The following OR8H1 variants were observed in gnomAD, a reference collection of about 807,000 sequenced individuals.
The protein encoded by OR8H1 is olfactory receptor 8H1.
For synonymous variants in OR8H1, 135 were observed against 134.5 expected (o/e 1.00, Z -0.03); for missense variants, 388 against 374.1 (o/e 1.04, Z -0.31).
rs748532410 is a variant in OR8H1, at chr11:56,290,121, T to C, written c.*6A>G. The stretch of plus-strand genomic sequence containing the variant: ...GTTTAAATGTTCAGCATTCCTGCTA[T>C]TTTAATTACCTGGAGTCCTGTCTTC... On this transcript the variant is annotated 3_prime_UTR_variant, in exon 2 of 2. Transcript: ENST00000641600. 1 of 1,594,006 alleles carries C rather than the reference T, an allele frequency of 6.3e-7. No homozygotes were observed. Among genetic ancestry groups the C allele is most frequent in the East Asian group, 2.2e-5 (1 of 44,778 alleles).
In OR8H1 at chr11:56,290,500, C is replaced by A. The variant is rs1854132995; in HGVS notation, c.563G>T (p.Cys188Phe). Residue 188 changes from cysteine (C) to phenylalanine (F), a missense_variant, in exon 2 of 2, where the codon TGC becomes TTC. Transcript: ENST00000641600. ...CDTSPILALSCMDTYDIEIMI... is the reference protein window; with the variant it reads ...CDTSPILALSFMDTYDIEIMI... Reference sequence around the variant, plus strand: ...GATTTCAATGTCGTATGTGTCCATGCAGGACAGAGCTAAAATTGGAGACGT... The same window carrying A: ...GATTTCAATGTCGTATGTGTCCATGAAGGACAGAGCTAAAATTGGAGACGT... 6.2e-7 allele frequency: 1 copy of A among 1,614,074 alleles called. No homozygotes were observed. Among genetic ancestry groups the A allele is most frequent in the Admixed American group, 1.7e-5 (1 of 60,020 alleles).
At position 56,289,983 on chromosome 11, in the gene OR8H1, A is replaced by G. The variant is rs749660525; in HGVS notation, c.*144T>C. 28 of 767,090 alleles carry G rather than the reference A, an allele frequency of 3.7e-5. No homozygotes were observed. Among genetic ancestry groups the G allele is most frequent in the Non-Finnish European group, 6.2e-5 (27 of 435,130 alleles). The allele number at this position is 767,090 out of a possible 1,614,324, so 47.5% of individuals were successfully genotyped here. A position where few individuals can be genotyped will look rare whatever the true frequency, so the allele number is the denominator to read the frequency against. On this transcript the variant is annotated 3_prime_UTR_variant, in exon 2 of 2. Coordinates refer to ENST00000641600, the MANE Select transcript of OR8H1 (RefSeq NM_001005199.2). The stretch of plus-strand genomic sequence containing the variant: ...GAAAACATACACCTTGAAATGTTCA[A>G]GATCACGTTTAGTCAAGCAAAGGTT...
chr11:56,291,094 C>A lies in OR8H1; in HGVS notation c.-22-10G>T. 1.4e-6 allele frequency: 2 copies of A among 1,448,064 alleles called. No homozygotes were observed. Among genetic ancestry groups the A allele is most frequent in the South Asian group, 1.3e-5 (1 of 75,014 alleles). The allele number at this position is 1,448,064 out of a possible 1,614,324, so 89.7% of individuals were successfully genotyped here. A position where few individuals can be genotyped will look rare whatever the true frequency, so the allele number is the denominator to read the frequency against. ...CAATTGCTTTAAACTGCTGAGAAATCAAAGTTGATACTTAACATGAATGAC... is the reference window on the plus strand; with the variant it reads ...CAATTGCTTTAAACTGCTGAGAAATAAAAGTTGATACTTAACATGAATGAC... On this transcript the variant is annotated splice_polypyrimidine_tract_variant and intron_variant, in intron 1 of 1. Transcript: ENST00000641600.
Position 56,290,589 on chromosome 11 carries a change from A to T in OR8H1, c.474T>A (p.Asn158Lys), listed in dbSNP as rs181118582. ...YVISFINSFVNVVWMSRLHFC... is the reference protein window; with the variant it reads ...YVISFINSFVKVVWMSRLHFC... The stretch of plus-strand genomic sequence containing the variant: ...AATGCAGTCTGCTCATCCAAACCAC[A>T]TTGACAAAGGAGTTGATAAAGCTAA... The change falls in exon 2 of 2, where the codon AAT (asparagine) becomes AAA (lysine). Residue 158 changes from asparagine (N) to lysine (K), a missense_variant. By Grantham distance (94) the Asn-to-Lys change is moderately conservative. Transcript: ENST00000641600. 2.0e-5 allele frequency: 33 copies of T among 1,614,182 alleles called. No homozygotes were observed. The highest frequency in any genetic ancestry group is 3.3e-4 in the Middle Eastern group (2 of 6,062).
At position 56,292,173 on chromosome 11, in the gene OR8H1, G is replaced by T. The variant is rs1160403442; in HGVS notation, c.-245C>A. ...AAAACCAACCTAGAAATTTCGTTTA[G>T]GTCCTGGTCAAATGGAAAGATTACC... is the stretch of plus-strand genomic sequence containing the variant. On this transcript the variant is annotated 5_prime_UTR_variant, in exon 1 of 2. Transcript: ENST00000641600. 1 of 152,194 alleles carries T rather than the reference G, an allele frequency of 6.6e-6. No individual in the cohort carries two copies. Among genetic ancestry groups the T allele is most frequent in the East Asian group, 1.9e-4 (1 of 5,180 alleles). 9.4% of individuals were successfully genotyped at this position (152,194 alleles called of 1,614,324 possible).
rs1053805032 is a variant in OR8H1 at position 56,288,697 on chromosome 11, C to T, written c.*1430G>A. 3.9e-5 allele frequency: 6 copies of T among 151,906 alleles called. No individual in the cohort carries two copies. Among genetic ancestry groups the T allele is most frequent in the African/African-American group, 1.4e-4 (6 of 41,386 alleles). The allele number at this position is 151,906 out of a possible 1,614,324, so 9.4% of individuals were successfully genotyped here. Reference sequence around the variant, plus strand: ...CGTTGTCAATGACAAAGAGATTATCCAATGTTAAACTTGTAAATGGATACA... The same window carrying T: ...CGTTGTCAATGACAAAGAGATTATCTAATGTTAAACTTGTAAATGGATACA... On this transcript the variant is annotated 3_prime_UTR_variant, in exon 2 of 2. Transcript: ENST00000641600.
chr11:56,289,276 G>A lies in OR8H1; in HGVS notation c.*851C>T, dbSNP rs1854107702. On this transcript the variant is annotated 3_prime_UTR_variant, in exon 2 of 2. Transcript: ENST00000641600. ...TTTATCTTGTGCACTTAAGGAAAGA[G>A]AGTTTTAAATTTTAGGTAACATATT... 6.6e-6 allele frequency: 1 copy of A among 152,122 alleles called. No individual in the cohort carries two copies. 9.4% of individuals were successfully genotyped at this position (152,122 alleles called of 1,614,324 possible).
In OR8H1 at chr11:56,289,116, T is replaced by A. The variant is rs1410902731; in HGVS notation, c.*1011A>T. On this transcript the variant is annotated 3_prime_UTR_variant, in exon 2 of 2. Coordinates refer to ENST00000641600, the MANE Select transcript of OR8H1 (RefSeq NM_001005199.2). The stretch of plus-strand genomic sequence containing the variant: ...GTAAATTAAATTAACCAAAAGTAAT[T>A]TGTAAAACACAAGTGAATATCCTTC... The A allele has an allele frequency of 6.6e-6, 1 of 152,110 alleles. No individual in the cohort carries two copies. Among genetic ancestry groups the A allele is most frequent in the Non-Finnish European group, 1.5e-5 (1 of 67,990 alleles). 9.4% of individuals were successfully genotyped at this position (152,110 alleles called of 1,614,324 possible).
At position 56,290,523 on chromosome 11, in the gene OR8H1, C is replaced by A. The variant is rs1274310353; in HGVS notation, c.540G>T (p.Thr180=). 1.2e-6 allele frequency: 2 copies of A among 1,613,960 alleles called. No homozygotes were observed. Among genetic ancestry groups the A allele is most frequent in the Non-Finnish European group, 1.7e-6 (2 of 1,180,006 alleles). The change falls in exon 2 of 2, where the codon ACG becomes ACT. Residue 180 remains threonine (T), a synonymous_variant. Coordinates refer to ENST00000641600, the MANE Select transcript of OR8H1 (RefSeq NM_001005199.2). ...TGCAGGACAGAGCTAAAATTGGAGA[C>A]GTGTCGCAGAAAAAGTGACGAACTA... ...SNVVRHFFCD[T]SPILALSCMD...
rs1282245154 is a variant in OR8H1, at chr11:56,289,763, A to C, written c.*364T>G. ...CAGCCCCGCAAGTAGCTGGGATTACAGGCATGCACCACCACACCCAGCTAA... is the reference window on the plus strand; with the variant it reads ...CAGCCCCGCAAGTAGCTGGGATTACCGGCATGCACCACCACACCCAGCTAA... On this transcript the variant is annotated 3_prime_UTR_variant, in exon 2 of 2. Coordinates refer to ENST00000641600, the MANE Select transcript of OR8H1 (RefSeq NM_001005199.2). 7 of 228,526 alleles carry C rather than the reference A, an allele frequency of 3.1e-5. No homozygotes were observed. The highest frequency in any genetic ancestry group is 6.1e-5 in the Non-Finnish European group (7 of 114,860). 14.2% of individuals were successfully genotyped at this position (228,526 alleles called of 1,614,324 possible).
In OR8H1 at chr11:56,290,038, T is replaced by A. The variant is rs1854118827; in HGVS notation, c.*89A>T. On this transcript the variant is annotated 3_prime_UTR_variant, in exon 2 of 2. Transcript: ENST00000641600. Reference sequence around the variant, plus strand: ...CAACAGAAATGCAAACATGAAGGATTCAATTGTTTTTATAGGGAGACCAAG... The same window carrying A: ...CAACAGAAATGCAAACATGAAGGATACAATTGTTTTTATAGGGAGACCAAG... 2.9e-6 allele frequency: 3 copies of A among 1,034,820 alleles called. No homozygotes were observed. In the East Asian group the frequency reaches 7.1e-5, roughly 24 times the overall value. The allele number at this position is 1,034,820 out of a possible 1,614,324, so 64.1% of individuals were successfully genotyped here.
At chr11:56,291,454 G>A (rs1298019723) in intron 1 of OR8H1, among the ~76,000 whole-genome samples, 2 of 151,962 alleles carry the variant, frequency 1.3e-5, no homozygotes, top group African/African-American at 2.4e-5. Flanking sequence ...ACAATTAAAT[G>A]TTGACGCTGA....
intron 1 of OR8H1, among the ~76,000 whole-genome samples, chr11:56,291,744 A>G (rs1043763156): frequency 2.0e-5 from 3 of 152,156 alleles, no homozygotes; most frequent in African/African-American, 7.2e-5. Context: ...TAACCAATCA[A>G]AATCAAATTT....
In OR8H1 at chr11:56,289,684, C is replaced by T. The variant is rs560075618; in HGVS notation, c.*443G>A. 1.7e-5 allele frequency: 3 copies of T among 173,108 alleles called. No homozygotes were observed. Among genetic ancestry groups the T allele is most frequent in the South Asian group, 2.6e-4 (2 of 7,586 alleles). The allele number at this position is 173,108 out of a possible 1,614,324, so 10.7% of individuals were successfully genotyped here. A position where few individuals can be genotyped will look rare whatever the true frequency, so the allele number is the denominator to read the frequency against. On this transcript the variant is annotated 3_prime_UTR_variant, in exon 2 of 2. Transcript: ENST00000641600. ...TTGCCCAGGCTGGAGTCCAATGGCA[C>T]GATCTCGGCTCACTGCAACCTCTGC... is the stretch of plus-strand genomic sequence containing the variant.
rs1458445592 is a variant in OR8H1, at chr11:56,288,992, A to G, written c.*1135T>C. The G allele has an allele frequency of 6.6e-6, 1 of 152,104 alleles. No individual in the cohort carries two copies. Among genetic ancestry groups the G allele is most frequent in the African/African-American group, 2.4e-5 (1 of 41,460 alleles). The allele number at this position is 152,104 out of a possible 1,614,324, so 9.4% of individuals were successfully genotyped here. ...TTTCTCTAACAATATATGCTATTTT[A>G]TTATAACTTAATTTTATCAAAATAT... On this transcript the variant is annotated 3_prime_UTR_variant, in exon 2 of 2. Coordinates refer to ENST00000641600, the MANE Select transcript of OR8H1 (RefSeq NM_001005199.2).
chr11:56,291,181 TG>T (rs1854148525), intron 1 of OR8H1, 97 bp from the exon 2 acceptor site: 3 of 714,196 alleles, frequency 4.2e-6, no homozygotes, highest in Non-Finnish European at 6.8e-6. Context: ...TTCTATAAAT[TG>T]CTAATACATT....
Position 56,288,589 on chromosome 11 carries a change from T to A in OR8H1, c.*1538A>T, listed in dbSNP as rs868746801. Reference sequence around the variant, plus strand: ...GATATCACTGCATGTAGATTTTTAATGTGGTGAGTTAATATTTCAAGTCCA... The same window carrying A: ...GATATCACTGCATGTAGATTTTTAAAGTGGTGAGTTAATATTTCAAGTCCA... On this transcript the variant is annotated 3_prime_UTR_variant, in exon 2 of 2. Transcript: ENST00000641600. 1.3e-5 allele frequency: 2 copies of A among 152,116 alleles called. No individual in the cohort carries two copies. The highest frequency in any genetic ancestry group is 2.1e-4 in the South Asian group (1 of 4,836). The allele number at this position is 152,116 out of a possible 1,614,324, so 9.4% of individuals were successfully genotyped here.
chr11:56,291,098 G>C lies in OR8H1; in HGVS notation c.-22-14C>G, dbSNP rs764927584. 4 of 1,420,486 alleles carry C rather than the reference G, an allele frequency of 2.8e-6. No homozygotes were observed. Among genetic ancestry groups the C allele is most frequent in the Non-Finnish European group, 2.9e-6 (3 of 1,044,732 alleles). 88.0% of individuals were successfully genotyped at this position (1,420,486 alleles called of 1,614,324 possible). On this transcript the variant is annotated splice_polypyrimidine_tract_variant and intron_variant, in intron 1 of 1. Coordinates refer to ENST00000641600, the MANE Select transcript of OR8H1 (RefSeq NM_001005199.2). The stretch of plus-strand genomic sequence containing the variant: ...TGCTTTAAACTGCTGAGAAATCAAA[G>C]TTGATACTTAACATGAATGACTTCA...
rs931898843 is a variant in OR8H1 at position 56,291,045 on chromosome 11, G to A, written c.18C>T (p.Asn6=). The A allele has an allele frequency of 1.9e-6, 3 of 1,595,248 alleles. No homozygotes were observed. Among genetic ancestry groups the A allele is most frequent in the African/African-American group, 1.3e-5 (1 of 74,076 alleles). Reference sequence around the variant, plus strand: ...TAAGGATGAAGTCAGGCACATTTGTGTTATTTCTTCTACCCATGATGTTCA... The same window carrying A: ...TAAGGATGAAGTCAGGCACATTTGTATTATTTCTTCTACCCATGATGTTCA... MGRRN[N]TNVPDFILTG... is the part of the protein sequence containing the mutation. Residue 6 remains asparagine (N), a synonymous_variant, in exon 2 of 2, where the codon AAC becomes AAT. Transcript: ENST00000641600.
Sources: allele counts gnomAD v4.1 joint callset (sites outside exome capture counted in the v4.1 genomes callset), GRCh38; gene constraint gnomAD v4.1.1; transcripts MANE v1.5; gene names NCBI Gene and HGNC (gene_info 2026-07-23, HGNC 2026-07-21).